The following CDH10 variants were observed in gnomAD, a reference collection of about 807,000 sequenced individuals.
CDH10 encodes the protein cadherin 10, also known as cadherin-10.
A neutral mutation model predicts 73.1 loss-of-function variants in CDH10; 30 were observed. The observed-to-expected ratio is 0.41, with a 90% CI of 0.31 to 0.56. The LOEUF (loss-of-function observed/expected upper bound fraction) is 0.56, where lower values mean the gene tolerates loss of function less well. Among genes scored for constraint, CDH10 ranks in the 20% least tolerant of loss-of-function variants. CDH10 has a pLI of 0.27. For missense variants in CDH10, 815 were observed against 973.7 expected (o/e 0.84, Z 2.17); for synonymous variants, 345 against 348.2 (o/e 0.99, Z 0.10).
intron 5 of CDH10, among the ~76,000 whole-genome samples, chr5:24,514,298 C>T (rs971711858): frequency 6.6e-6 from 1 of 152,078 alleles, no homozygotes; most frequent in Admixed American, 6.6e-5. Context: ...AAGAAAATAT[C>T]CACTGACTGA....
intron 5 of CDH10, among the ~76,000 whole-genome samples, chr5:24,518,212 T>G (rs922098465): frequency 3.9e-5 from 6 of 152,130 alleles, no homozygotes; most frequent in African/African-American, 1.4e-4. Flanking sequence ...TTTGCAAAAG[T>G]GAGGCACGTT....
intron 5 of CDH10, among the ~76,000 whole-genome samples, chr5:24,511,814 C>T (rs372461415): frequency 1.4e-4 from 21 of 152,150 alleles, no homozygotes; most frequent in East Asian, 1.2e-3. Flanking sequence ...TAAAAAGAAA[C>T]GAGTTCATAT....
At chr5:24,555,496 T>A (rs990351039) in intron 2 of CDH10, among the ~76,000 whole-genome samples, 1 of 152,144 alleles carries the variant, frequency 6.6e-6, no homozygotes, top group African/African-American at 2.4e-5. Context: ...GCAGGCAGCA[T>A]AAGTTTCATG....
intron 3 of CDH10, among the ~76,000 whole-genome samples, chr5:24,536,304 T>C (rs1467728287): frequency 6.6e-6 from 1 of 152,096 alleles, no homozygotes; most frequent in Non-Finnish European, 1.5e-5. Flanking sequence ...CCAAGTTCCA[T>C]GAACTACTAA....
At chr5:24,606,267 G>A (rs1746756683) in intron 1 of CDH10, among the ~76,000 whole-genome samples, 1 of 152,090 alleles carries the variant, frequency 6.6e-6, no homozygotes, top group South Asian at 2.1e-4. Flanking sequence ...TCACTAATCA[G>A]GGAAATACAA....
intron 2 of CDH10, among the ~76,000 whole-genome samples, chr5:24,551,084 A>G (rs78167008): frequency 0.037 from 5,658 of 152,220 alleles, 171 homozygotes; most frequent in African/African-American, 0.078. Context: ...CAACATCCAT[A>G]TGATGTAAGC....
At chr5:24,629,783 C>T (rs1051079086) in intron 1 of CDH10, among the ~76,000 whole-genome samples, 36 of 152,226 alleles carry the variant, frequency 2.4e-4, no homozygotes, top group African/African-American at 7.0e-4. Flanking sequence ...TGTAAGATTC[C>T]TGAGGCCTCC....
At chr5:24,500,213 C>T (rs905928537) in intron 8 of CDH10, among the ~76,000 whole-genome samples, 2 of 152,074 alleles carry the variant, frequency 1.3e-5, no homozygotes, top group Admixed American at 1.3e-4. Flanking sequence ...CTTGTTCTCT[C>T]CATATAATTG....
chr5:24,546,324 T>A (rs1223969520), intron 2 of CDH10, among the ~76,000 whole-genome samples: 1 of 152,076 alleles, frequency 6.6e-6, no homozygotes, highest in Non-Finnish European at 1.5e-5. Flanking sequence ...TTTCTGTGTT[T>A]TCCCCAATAA....
intron 1 of CDH10, among the ~76,000 whole-genome samples, chr5:24,616,703 C>T (rs540458909): frequency 3.3e-5 from 5 of 152,218 alleles, no homozygotes; most frequent in Admixed American, 3.3e-4. Flanking sequence ...CAGATGCTTT[C>T]ATTGATTCCA....
At chr5:24,556,365 T>C (rs985843433) in intron 2 of CDH10, among the ~76,000 whole-genome samples, 3 of 152,118 alleles carry the variant, frequency 2.0e-5, no homozygotes, top group African/African-American at 7.2e-5. Flanking sequence ...CATGCAATTT[T>C]ACTGATTCAA....
chr5:24,509,878 C>A (rs2111755808), intron 6 of CDH10, 59 bp from the exon 7 acceptor site: 4 of 1,346,544 alleles, frequency 3.0e-6, no homozygotes, highest in Non-Finnish European at 4.1e-6. Flanking sequence ...TATGCTCCCA[C>A]CCAGTTACAG....
intron 7 of CDH10, among the ~76,000 whole-genome samples, chr5:24,506,742 C>A (rs1742715659): frequency 6.6e-6 from 1 of 152,092 alleles, no homozygotes; most frequent in Admixed American, 6.6e-5. Flanking sequence ...GAAAGAATGA[C>A]CTAATTAATT....
intron 2 of CDH10, among the ~76,000 whole-genome samples, chr5:24,586,638 T>G (rs1358065777): frequency 6.6e-6 from 1 of 151,086 alleles, no homozygotes; most frequent in Non-Finnish European, 1.5e-5. Context: ...AGAAACAAGA[T>G]TTCGCCATGT....
chr5:24,600,397 C>T (rs1281608507), intron 1 of CDH10, among the ~76,000 whole-genome samples: 2 of 152,132 alleles, frequency 1.3e-5, no homozygotes, highest in East Asian at 1.9e-4. Flanking sequence ...GTCTATGAAG[C>T]TCTATCTCAA....
rs973862640 is a variant in CDH10 at position 24,604,946 on chromosome 5, T to A, written c.-123-11333A>T. 1.3e-5 allele frequency among the ~76,000 whole-genome samples: 2 copies of A among 151,152 alleles called. 1 individual carries two copies. The highest frequency in any genetic ancestry group is 4.2e-4 in the South Asian group (2 of 4,818). On this transcript the variant is annotated intron_variant, in intron 1 of 11. Coordinates refer to ENST00000264463, the MANE Select transcript of CDH10 (RefSeq NM_006727.5). ...AAGTCAAAAACTCTTAGAAAATAAT[T>A]GAAAATGTGTCTCTGATAAAGTCTT...
chr5:24,558,540 G>A (rs79654417), intron 2 of CDH10, among the ~76,000 whole-genome samples: 9,345 of 151,464 alleles, frequency 0.062, 583 homozygotes, highest in African/African-American at 0.16. Flanking sequence ...AATAATTTTA[G>A]ATGGCCATAC....
Position 24,624,950 on chromosome 5 carries a change from T to G in CDH10, c.-124+19644A>C, listed in dbSNP as rs576733546. Among the ~76,000 whole-genome samples the G allele has an allele frequency of 4.6e-5, 7 of 152,272 alleles. No individual in the cohort carries two copies. The South Asian group carries it at 1.5e-3, about 32-fold the overall frequency. ...AAGGGAGACCCTAAAGATTAGCATC[T>G]TCAATCTGGAAACTCTGACATCTAT... On this transcript the variant is annotated intron_variant, in intron 1 of 11. Coordinates refer to ENST00000264463, the MANE Select transcript of CDH10 (RefSeq NM_006727.5).
At chr5:24,629,660 A>T (rs562926067) in intron 1 of CDH10, among the ~76,000 whole-genome samples, 1 of 152,078 alleles carries the variant, frequency 6.6e-6, no homozygotes, top group Non-Finnish European at 1.5e-5. Flanking sequence ...ATGATAGTGC[A>T]TGAGTCTCAA....
Sources: allele counts gnomAD v4.1 joint callset (sites outside exome capture counted in the v4.1 genomes callset), GRCh38; gene constraint gnomAD v4.1.1; transcripts MANE v1.5; gene names NCBI Gene and HGNC (gene_info 2026-07-23, HGNC 2026-07-21).